RNF180: variants seen among roughly 807,000 people sequenced by gnomAD.
RNF180 encodes the protein ring finger protein 180.
In RNF180, 38 loss-of-function variants were observed where a neutral mutation model predicts 59.2. The ratio of observed to expected loss-of-function variants is 0.64; its 90% CI spans 0.50 to 0.84. The LOEUF is 0.84. Among genes scored for constraint, RNF180 ranks in the 40% least tolerant of loss-of-function variants. The pLI is 0.00. For synonymous variants in RNF180, 262 were observed against 240.3 expected, an observed-to-expected ratio of 1.09 and a Z score of -0.84; for missense variants, 705 against 700.9, an observed-to-expected ratio of 1.01 and a Z score of -0.07.
intron 5 of RNF180, among the ~76,000 whole-genome samples, chr5:64,281,793 G>A (rs561567054): frequency 3.3e-5 from 5 of 152,210 alleles, no homozygotes; most frequent in East Asian, 3.9e-4. Context: ...ACCGTGCCTC[G>A]CTGAGGATTT....
rs187703567 is a variant in RNF180 at position 64,281,166 on chromosome 5, C to T, written c.1228-44020C>T. Among the ~76,000 whole-genome samples, 36 of 152,140 alleles carry T rather than the reference C, an allele frequency of 2.4e-4. No homozygotes were observed. In the East Asian group the frequency reaches 4.1e-3, roughly 17 times the overall value. On this transcript the variant is annotated intron_variant, in intron 5 of 7. Transcript: ENST00000389100. Reference sequence around the variant, plus strand: ...TGTACATTGATTTTATATCCTGAAACTTTGCTGAAGTTATTTATCAGATCT... The same window carrying T: ...TGTACATTGATTTTATATCCTGAAATTTTGCTGAAGTTATTTATCAGATCT...
chr5:64,229,140 G>T (rs1259322030), intron 5 of RNF180, among the ~76,000 whole-genome samples: 1 of 151,950 alleles, frequency 6.6e-6, no homozygotes, highest in African/African-American at 2.4e-5. Flanking sequence ...GCCCAGGCTG[G>T]TCTTGAATTC....
intron 5 of RNF180, among the ~76,000 whole-genome samples, chr5:64,256,875 C>T (rs1343161476): frequency 3.3e-5 from 5 of 152,128 alleles, no homozygotes; most frequent in Non-Finnish European, 5.9e-5. Flanking sequence ...TCTTTTATTT[C>T]GTTGAGCAGT....
chr5:64,178,951 A>T (rs1053106574), intron 1 of RNF180, among the ~76,000 whole-genome samples: 9 of 152,000 alleles, frequency 5.9e-5, no homozygotes, highest in African/African-American at 2.2e-4. Flanking sequence ...CTATTCTTTT[A>T]AAAAAAACCT....
chr5:64,283,111 G>A (rs557350127), intron 5 of RNF180, among the ~76,000 whole-genome samples: 17 of 152,218 alleles, frequency 1.1e-4, no homozygotes, highest in African/African-American at 4.1e-4. Flanking sequence ...AAGCCACCTT[G>A]TATTATTGTG....
intron 7 of RNF180, among the ~76,000 whole-genome samples, chr5:64,364,023 G>T (rs1746354913): frequency 6.6e-6 from 1 of 151,638 alleles, no homozygotes; most frequent in Non-Finnish European, 1.5e-5. Context: ...GAATCATGTT[G>T]TCTGCAAACA....
At chr5:64,306,338 A>G (rs1455691054) in intron 5 of RNF180, among the ~76,000 whole-genome samples, 1 of 151,684 alleles carries the variant, frequency 6.6e-6, no homozygotes, top group Non-Finnish European at 1.5e-5. Context: ...TAAATAATAT[A>G]TGTAAAAAAC....
chr5:64,231,802 T>A (rs1742117447), intron 5 of RNF180, among the ~76,000 whole-genome samples: 1 of 152,200 alleles, frequency 6.6e-6, no homozygotes, highest in African/African-American at 2.4e-5. Flanking sequence ...TTATTGGGGT[T>A]AAGCTTAAGG....
chr5:64,247,634 T>C (rs1743270881), intron 5 of RNF180, among the ~76,000 whole-genome samples: 1 of 152,136 alleles, frequency 6.6e-6, no homozygotes, highest in African/African-American at 2.4e-5. Flanking sequence ...GGAAGAACAT[T>C]CCATGCTTGT....
At chr5:64,288,336 T>C (rs574378691) in intron 5 of RNF180, among the ~76,000 whole-genome samples, 1 of 152,366 alleles carries the variant, frequency 6.6e-6, no homozygotes, top group Admixed American at 6.5e-5. Context: ...GGTAGTGTGA[T>C]GCCTCCAGCT....
At chr5:64,169,728 C>T (rs1749837273) in intron 1 of RNF180, among the ~76,000 whole-genome samples, 1 of 152,208 alleles carries the variant, frequency 6.6e-6, no homozygotes, top group Non-Finnish European at 1.5e-5. Flanking sequence ...ACTGCAAAGA[C>T]TCCTCGCTCT....
chr5:64,303,560 T>C (rs553915049), intron 5 of RNF180, among the ~76,000 whole-genome samples: 1 of 151,814 alleles, frequency 6.6e-6, no homozygotes, highest in Admixed American at 6.6e-5. Flanking sequence ...ATGTAGAAGA[T>C]GAAACCAGCC....
At chr5:64,285,556 TG>T (rs1474988587) in intron 5 of RNF180, among the ~76,000 whole-genome samples, 1 of 152,172 alleles carries the variant, frequency 6.6e-6, no homozygotes, top group East Asian at 1.9e-4. Context: ...TCAAGTCAGC[TG>T]GAGCTCTCTG....
At chr5:64,364,192 G>C (rs189538548) in intron 7 of RNF180, among the ~76,000 whole-genome samples, 314 of 151,776 alleles carry the variant, frequency 2.1e-3, no homozygotes, top group African/African-American at 7.2e-3. Context: ...AGCTTTTGCC[G>C]ATTCAGTATG....
chr5:64,240,212 A>C (rs540714722), intron 5 of RNF180, among the ~76,000 whole-genome samples: 1 of 152,300 alleles, frequency 6.6e-6, no homozygotes, highest in African/African-American at 2.4e-5. Flanking sequence ...AAATGTTCTC[A>C]TAGTATATTA....
intron 5 of RNF180, among the ~76,000 whole-genome samples, chr5:64,272,230 C>G (rs891448196): frequency 1.3e-5 from 2 of 151,854 alleles, no homozygotes; most frequent in African/African-American, 4.8e-5. Context: ...AGTAGGGGAC[C>G]TATTTTAGTT....
In RNF180 at chr5:64,243,657, G is replaced by A. The variant is rs939167328; in HGVS notation, c.1227+26261G>A. Among the ~76,000 whole-genome samples the A allele has an allele frequency of 2.6e-5, 4 of 152,162 alleles. No homozygotes were observed. In the South Asian group the frequency reaches 6.2e-4, roughly 24 times the overall value. On this transcript the variant is annotated intron_variant, in intron 5 of 7. Transcript: ENST00000389100. ...CAGCTGGGGGAAGGGGTGGCTGTGGGCACAGCTTCAGCAGACTGAAACGTT... is the reference window on the plus strand; with the variant it reads ...CAGCTGGGGGAAGGGGTGGCTGTGGACACAGCTTCAGCAGACTGAAACGTT...
At chr5:64,316,220 T>C (rs1391150664) in intron 5 of RNF180, among the ~76,000 whole-genome samples, 2 of 152,210 alleles carry the variant, frequency 1.3e-5, no homozygotes, top group East Asian at 3.9e-4. Context: ...TTTAGTATTA[T>C]TATGAGAATA....
intron 7 of RNF180, among the ~76,000 whole-genome samples, chr5:64,335,508 TG>T (rs150174366): frequency 0.1 from 15,380 of 152,156 alleles, 876 homozygotes; most frequent in South Asian, 0.17. Context: ...CCAGTTTCTT[TG>T]GATTTTTTTC....
Sources: gnomAD v4.1 joint callset for allele counts (sites outside exome capture counted in the v4.1 genomes callset) on GRCh38, gnomAD v4.1.1 for gene constraint, MANE v1.5 for transcripts, NCBI Gene and HGNC (gene_info 2026-07-23, HGNC 2026-07-21) for gene names.